TMEM108: variants seen among roughly 807,000 people sequenced by gnomAD.
TMEM108 encodes the protein transmembrane protein 108.
In TMEM108, 12 loss-of-function variants were observed where a neutral mutation model predicts 35.1. The ratio of observed to expected loss-of-function variants is 0.34; its 90% CI spans 0.22 to 0.55. The LOEUF (loss-of-function observed/expected upper bound fraction) is 0.55. TMEM108 is among the 20% of genes least tolerant of loss of function. The probability of loss-of-function intolerance (pLI) is 0.89; values close to 1 mark genes in which losing one functional copy is unlikely to be tolerated. For synonymous variants in TMEM108, 287 were observed against 308.6 expected (o/e 0.93, Z 0.73); for missense variants, 680 against 753.3 (o/e 0.90, Z 1.14).
chr3:133,224,559 TC>T (rs1170481714), intron 2 of TMEM108, among the ~76,000 whole-genome samples: 2 of 152,130 alleles, frequency 1.3e-5, no homozygotes, highest in Non-Finnish European at 2.9e-5. Context: ...TATACTGTTC[TC>T]ATGGTAGTGA....
At chr3:133,163,624 C>A (rs758801144) in intron 2 of TMEM108, among the ~76,000 whole-genome samples, 4 of 152,126 alleles carry the variant, frequency 2.6e-5, no homozygotes, top group Non-Finnish European at 5.9e-5. Context: ...ATTCCTCTAA[C>A]CCCCTAAACC....
chr3:133,108,785 A>G lies in TMEM108; in HGVS notation c.-47+62765A>G, dbSNP rs191123022. Among the ~76,000 whole-genome samples the G allele has an allele frequency of 4.3e-3, 632 of 146,590 alleles. 11 individuals are homozygous for G. Among genetic ancestry groups the G allele is most frequent in the East Asian group, 0.033 (154 of 4,734 alleles). On this transcript the variant is annotated intron_variant, in intron 2 of 5. Transcript: ENST00000321871. ...TCTCACTCATAGGTGGGAATTGAAC[A>G]ATGAGAACACATGGACACAGGAAGG... is the stretch of plus-strand genomic sequence containing the variant.
intron 2 of TMEM108, among the ~76,000 whole-genome samples, chr3:133,218,428 T>C (rs1461521659): frequency 3.3e-5 from 5 of 151,982 alleles, no homozygotes; most frequent in Admixed American, 3.3e-4. Flanking sequence ...GCTAGGACTC[T>C]AGTACTATAT....
At chr3:133,179,038 A>G (rs1945286526) in intron 2 of TMEM108, among the ~76,000 whole-genome samples, 1 of 152,240 alleles carries the variant, frequency 6.6e-6, no homozygotes, top group African/African-American at 2.4e-5. Flanking sequence ...TTATGCAGCC[A>G]AAAGACACAT....
chr3:133,324,217 T>G (rs1016140332), intron 3 of TMEM108, among the ~76,000 whole-genome samples: 3 of 152,118 alleles, frequency 2.0e-5, no homozygotes, highest in Admixed American at 2.0e-4. Flanking sequence ...AAAGAAATAA[T>G]CAGCAGAGTA....
At chr3:133,289,069 A>G (rs144414279) in intron 3 of TMEM108, among the ~76,000 whole-genome samples, 57 of 152,242 alleles carry the variant, frequency 3.7e-4, no homozygotes, top group African/African-American at 1.3e-3. Context: ...CATATTTTAA[A>G]TATAGAAATA....
At chr3:133,384,796 A>G (rs957183750) in intron 4 of TMEM108, among the ~76,000 whole-genome samples, 4 of 152,206 alleles carry the variant, frequency 2.6e-5, no homozygotes, top group Admixed American at 6.5e-5. Context: ...TGTTTGTCAC[A>G]TGTGATGTCC....
intron 3 of TMEM108, among the ~76,000 whole-genome samples, chr3:133,377,186 T>G (rs2072868346): frequency 6.6e-6 from 1 of 152,188 alleles, no homozygotes; most frequent in African/African-American, 2.4e-5. Context: ...AGTCACATTC[T>G]AAGGTACTGG....
chr3:133,097,029 G>C (rs576510588), intron 2 of TMEM108, among the ~76,000 whole-genome samples: 4 of 152,210 alleles, frequency 2.6e-5, no homozygotes, highest in Non-Finnish European at 5.9e-5. Context: ...GTCACGGGAA[G>C]GACTAAAACA....
intron 2 of TMEM108, among the ~76,000 whole-genome samples, chr3:133,084,122 TA>T (rs5852728): frequency 0.47 from 70,634 of 149,600 alleles, 17,847 homozygotes; most frequent in Non-Finnish European, 0.58. Flanking sequence ...TTTCTTGAAT[TA>T]AAAAAAAAAA....
intron 2 of TMEM108, among the ~76,000 whole-genome samples, chr3:133,062,246 C>T (rs1037589076): frequency 4.6e-5 from 7 of 152,188 alleles, no homozygotes; most frequent in African/African-American, 1.7e-4. Context: ...AACCTGTTAA[C>T]CCAATGGATA....
intron 3 of TMEM108, among the ~76,000 whole-genome samples, chr3:133,360,535 G>A (rs530740821): frequency 1.3e-5 from 2 of 152,248 alleles, no homozygotes; most frequent in Non-Finnish European, 2.9e-5. Context: ...TGAGCAGCCC[G>A]TAACTGCATT....
chr3:133,177,693 C>T (rs1166211846), intron 2 of TMEM108, among the ~76,000 whole-genome samples: 1 of 152,110 alleles, frequency 6.6e-6, no homozygotes, highest in Non-Finnish European at 1.5e-5. Context: ...ATGACAAACC[C>T]ACAGCCAATA....
At chr3:133,120,447 A>G (rs1441293985) in intron 2 of TMEM108, among the ~76,000 whole-genome samples, 1 of 152,120 alleles carries the variant, frequency 6.6e-6, no homozygotes, top group Non-Finnish European at 1.5e-5. Flanking sequence ...AGATTGATAC[A>G]CTCTACAGTC....
chr3:133,268,581 A>G (rs2107680446), intron 3 of TMEM108, among the ~76,000 whole-genome samples: 1 of 152,354 alleles, frequency 6.6e-6, no homozygotes, highest in Admixed American at 6.5e-5. Context: ...GAATAGATCC[A>G]GAGAGCTTTG....
rs914950639 is a variant in TMEM108 at position 133,348,147 on chromosome 3, C to T, written c.41-31605C>T. On this transcript the variant is annotated intron_variant, in intron 3 of 5. Coordinates refer to ENST00000321871, the MANE Select transcript of TMEM108 (RefSeq NM_023943.4). ...GGGCCAGATTTGCTTTACCAAAAATCAAAACATGTCATTAAGTAATATTAA... is the reference window on the plus strand; with the variant it reads ...GGGCCAGATTTGCTTTACCAAAAATTAAAACATGTCATTAAGTAATATTAA... 2.0e-5 allele frequency among the ~76,000 whole-genome samples: 3 copies of T among 151,742 alleles called. No homozygotes were observed. In the East Asian group the frequency reaches 5.8e-4, roughly 29 times the overall value.
chr3:133,116,199 T>C (rs1944286122), intron 2 of TMEM108, among the ~76,000 whole-genome samples: 2 of 152,226 alleles, frequency 1.3e-5, no homozygotes, highest in Non-Finnish European at 2.9e-5. Flanking sequence ...CTCTGGGGCA[T>C]TGTCTTCGTA....
chr3:133,376,407 C>T (rs1380320577), intron 3 of TMEM108, among the ~76,000 whole-genome samples: 1 of 152,162 alleles, frequency 6.6e-6, no homozygotes, highest in Non-Finnish European at 1.5e-5. Context: ...TTGTATCTGA[C>T]ACATCTGGTG....
intron 2 of TMEM108, among the ~76,000 whole-genome samples, chr3:133,179,691 G>T (rs958586439): frequency 2.0e-5 from 3 of 152,072 alleles, no homozygotes; most frequent in African/African-American, 7.2e-5. Flanking sequence ...AGCATTGGGA[G>T]ATATACCTAA....
Sources: allele counts gnomAD v4.1 joint callset (sites outside exome capture counted in the v4.1 genomes callset), GRCh38; gene constraint gnomAD v4.1.1; transcripts MANE v1.5; gene names NCBI Gene and HGNC (gene_info 2026-07-23, HGNC 2026-07-21).